KCNMB2: variants seen among roughly 807,000 people sequenced by gnomAD.
KCNMB2 encodes calcium-activated potassium channel subunit beta-2.
A neutral mutation model predicts 24.5 loss-of-function variants in KCNMB2; 9 were observed. The observed-to-expected ratio is 0.37, with a 90% CI of 0.22 to 0.64. The LOEUF is 0.64. Ranked by LOEUF, KCNMB2 falls within the 30% of genes least tolerant of loss-of-function variation. The probability of loss-of-function intolerance (pLI) is 0.63; values close to 1 mark genes in which losing one functional copy is unlikely to be tolerated. For missense variants in KCNMB2, 226 were observed against 284.3 expected, an observed-to-expected ratio of 0.79 and a Z score of 1.47; for synonymous variants, 109 against 104.4, an observed-to-expected ratio of 1.04 and a Z score of -0.27.
intron 2 of KCNMB2, among the ~76,000 whole-genome samples, chr3:178,811,061 A>G (rs996759417): frequency 7.9e-5 from 12 of 152,022 alleles, no homozygotes; most frequent in African/African-American, 2.9e-4. Context: ...CCGATCCCTA[A>G]ATTTCAAGCA....
At chr3:178,784,789 C>T (rs1364381581) in intron 1 of KCNMB2, among the ~76,000 whole-genome samples, 2 of 148,794 alleles carry the variant, frequency 1.3e-5, no homozygotes, top group Non-Finnish European at 3.0e-5. Context: ...ATACATTTTC[C>T]TTTATCTGCT....
chr3:178,639,920 G>A (rs1218743928), intron 1 of KCNMB2, among the ~76,000 whole-genome samples: 1 of 152,158 alleles, frequency 6.6e-6, no homozygotes, highest in African/African-American at 2.4e-5. Flanking sequence ...AGTGAGGGAT[G>A]GAATCAGTGT....
chr3:178,597,133 A>G (rs1372330731), intron 1 of KCNMB2, among the ~76,000 whole-genome samples: 2 of 152,118 alleles, frequency 1.3e-5, no homozygotes, highest in South Asian at 2.1e-4. Context: ...AACAGGCATC[A>G]TGGGGAGAAA....
chr3:178,767,194 G>GT (rs1712158808), intron 1 of KCNMB2, among the ~76,000 whole-genome samples: 3 of 152,142 alleles, frequency 2.0e-5, no homozygotes, highest in Non-Finnish European at 4.4e-5. Context: ...ATAAGCAACT[G>GT]TATTATATTT....
At position 178,817,216 on chromosome 3, in the gene KCNMB2, C is replaced by CATATATATATATATATATAT. The variant is rs573513799; in HGVS notation, c.57-8361_57-8360insTATATATATATATATATATA. On this transcript the variant is annotated intron_variant, in intron 2 of 4. Transcript: ENST00000452583. ...TGGACAAAATCCTTCATGTTAATGA[C>CATATATATATATATATATAT]ATATATATATAAATGAAGTGTGACT... Among the ~76,000 whole-genome samples the CATATATATATATATATATAT allele has an allele frequency of 2.9e-5, 3 of 101,844 alleles. 1 individual carries two copies. Among genetic ancestry groups the CATATATATATATATATATAT allele is most frequent in the African/African-American group, 1.6e-4 (3 of 18,566 alleles). 66.8% of individuals were successfully genotyped at this position (101,844 alleles called of 152,430 possible). A position where few individuals can be genotyped will look rare whatever the true frequency, so the allele number is the denominator to read the frequency against.
intron 1 of KCNMB2, among the ~76,000 whole-genome samples, chr3:178,673,245 CA>C (rs1720966065): frequency 2.0e-5 from 3 of 152,188 alleles, no homozygotes; most frequent in African/African-American, 7.2e-5. Context: ...TGGCTGGACA[CA>C]AGCATACGAC....
chr3:178,564,886 G>T (rs906884558), intron 1 of KCNMB2, among the ~76,000 whole-genome samples: 1 of 152,048 alleles, frequency 6.6e-6, no homozygotes, highest in African/African-American at 2.4e-5. Flanking sequence ...AGCATTATTT[G>T]TAATATTAAA....
chr3:178,667,626 A>G (rs758151157), intron 1 of KCNMB2, among the ~76,000 whole-genome samples: 1 of 152,096 alleles, frequency 6.6e-6, no homozygotes, highest in Non-Finnish European at 1.5e-5. Context: ...GGTGGCCTCA[A>G]TTTACAGCCA....
rs1715469783 is a variant in KCNMB2, at chr3:178,842,731, A to C, written c.502A>C (p.Lys168Gln). ...GAATGTTGTCATGGAAAACTTCAGG[A>C]AGTATCAACACTTCTCCTGCTATTC... ...LVNVVMENFR[K>Q]YQHFSCYSDP... The change falls in exon 5 of 5, where the codon AAG becomes CAG. Residue 168 changes from lysine to glutamine, a missense_variant. Lys to Gln is a moderately conservative substitution (Grantham distance 53). Coordinates refer to ENST00000452583, the MANE Select transcript of KCNMB2 (RefSeq NM_181361.3). 6.2e-7 allele frequency: 1 copy of C among 1,613,370 alleles called. No homozygotes were observed. The highest frequency in any genetic ancestry group is 1.3e-5 in the African/African-American group (1 of 74,902).
intron 2 of KCNMB2, among the ~76,000 whole-genome samples, chr3:178,811,581 A>G (rs879784042): frequency 6.6e-6 from 1 of 152,218 alleles, no homozygotes; most frequent in Non-Finnish European, 1.5e-5. Flanking sequence ...CTCCCACTAC[A>G]TGAACATACT....
intron 1 of KCNMB2, among the ~76,000 whole-genome samples, chr3:178,567,767 A>T (rs1716580462): frequency 6.6e-6 from 1 of 152,170 alleles, no homozygotes; most frequent in South Asian, 2.1e-4. Flanking sequence ...GTTCTTAATG[A>T]TGACACTGTT....
intron 1 of KCNMB2, among the ~76,000 whole-genome samples, chr3:178,678,439 A>G (rs1241782927): frequency 6.6e-6 from 1 of 152,238 alleles, no homozygotes; most frequent in African/African-American, 2.4e-5. Context: ...AATTAGCCAA[A>G]GAGACATAAA....
chr3:178,621,911 T>C lies in KCNMB2; in HGVS notation c.-68+85200T>C, dbSNP rs1718937467. On this transcript the variant is annotated intron_variant, in intron 1 of 4. Coordinates refer to ENST00000452583, the MANE Select transcript of KCNMB2 (RefSeq NM_181361.3). ...GGAGGTAATTTGATGTAGTGATTAT[T>C]AGGTTAAGCATAGAATCTAGAGACA... Among the ~76,000 whole-genome samples, 4 of 152,170 alleles carry C rather than the reference T, an allele frequency of 2.6e-5. No individual in the cohort carries two copies. The South Asian group carries it at 8.3e-4, about 32-fold the overall frequency.
intron 4 of KCNMB2, among the ~76,000 whole-genome samples, chr3:178,832,660 C>T: frequency 1.2e-5 from 1 of 80,580 alleles, no homozygotes. Context: ...GGATACATTC[C>T]TATCTTCTAA....
intron 1 of KCNMB2, among the ~76,000 whole-genome samples, chr3:178,556,197 A>C (rs147610003): frequency 7.9e-5 from 12 of 152,192 alleles, no homozygotes; most frequent in African/African-American, 2.9e-4. Context: ...TGGAGGAAGA[A>C]CATCCAGATG....
chr3:178,780,296 C>A (rs1019431329), intron 1 of KCNMB2, among the ~76,000 whole-genome samples: 2 of 152,128 alleles, frequency 1.3e-5, no homozygotes, highest in African/African-American at 4.8e-5. Context: ...AGTCTTCTCC[C>A]TAAGGAATCT....
chr3:178,800,977 C>T (rs1463141388), intron 1 of KCNMB2, among the ~76,000 whole-genome samples: 1 of 151,904 alleles, frequency 6.6e-6, no homozygotes, highest in African/African-American at 2.4e-5. Flanking sequence ...AAAGTTAAAA[C>T]AATTGAACTC....
chr3:178,660,034 T>G (rs1469567089), intron 1 of KCNMB2, among the ~76,000 whole-genome samples: 1 of 152,100 alleles, frequency 6.6e-6, no homozygotes, highest in Non-Finnish European at 1.5e-5. Flanking sequence ...AGTCTCTATA[T>G]CAAGCGTCAG....
chr3:178,842,022 C>T (rs1206651154), intron 4 of KCNMB2, among the ~76,000 whole-genome samples: 1 of 152,194 alleles, frequency 6.6e-6, no homozygotes, highest in East Asian at 1.9e-4. Flanking sequence ...TACTTTGGCA[C>T]ACTAAATGGG....
Sources: gnomAD v4.1 joint callset for allele counts (sites outside exome capture counted in the v4.1 genomes callset) on GRCh38, gnomAD v4.1.1 for gene constraint, MANE v1.5 for transcripts, NCBI Gene and HGNC (gene_info 2026-07-23, HGNC 2026-07-21) for gene names.